Variants in NBEAL1 observed in about 807,000 individuals in gnomAD.
The protein encoded by NBEAL1 is neurobeachin like 1, also known as neurobeachin-like protein 1.
NBEAL1 carries 273 observed loss-of-function variants against 351.3 expected under a neutral mutation model. The observed-to-expected ratio is 0.78, with a 90% CI of 0.70 to 0.86. NBEAL1 has a LOEUF of 0.86. NBEAL1 is among the 40% of genes least tolerant of loss of function. The pLI is 0.00. For synonymous variants in NBEAL1, 1,050 were observed against 1,086.4 expected (o/e 0.97, Z 0.66); for missense variants, 2,961 against 3,201.3 (o/e 0.92, Z 1.81).
intron 10 of NBEAL1, among the ~76,000 whole-genome samples, chr2:203,092,815 G>A (rs2062092516): frequency 6.6e-6 from 1 of 152,130 alleles, no homozygotes; most frequent in South Asian, 2.1e-4. Flanking sequence ...ATTTCTGAAA[G>A]CATTTATGTC....
chr2:203,185,682 A>T (rs2064876727), intron 44 of NBEAL1, among the ~76,000 whole-genome samples: 1 of 152,200 alleles, frequency 6.6e-6, no homozygotes, highest in African/African-American at 2.4e-5. Context: ...TGAAAGCTGC[A>T]TCGAAACGGT....
At chr2:203,092,528 G>A (rs1350776558) in intron 10 of NBEAL1, among the ~76,000 whole-genome samples, 4 of 152,136 alleles carry the variant, frequency 2.6e-5, no homozygotes, top group Non-Finnish European at 5.9e-5. Flanking sequence ...TCGTGCCACT[G>A]CACTCCAGCC....
chr2:203,039,969 G>A (rs765001387), intron 2 of NBEAL1: 6 of 513,312 alleles, frequency 1.2e-5, no homozygotes, highest in Non-Finnish European at 2.1e-5. Flanking sequence ...ATGGTGGAGG[G>A]AACATGATAA....
In NBEAL1 at chr2:203,112,026, G is replaced by A; in HGVS notation, c.2130G>A (p.Gln710=). ...VHMPGKRPFG[Q]SFVYIYDNGQ... ...TGCCTGGAAAAAGGCCTTTTGGTCA[G>A]AGCTTCGTCTATATCTATGACAATG... The change falls in exon 16 of 56, where the codon CAG becomes CAA. Residue 710 remains glutamine (Q), a synonymous_variant. Coordinates refer to ENST00000683969, the MANE Select transcript of NBEAL1 (RefSeq NM_001378026.1). The A allele has an allele frequency of 6.4e-7, 1 of 1,552,148 alleles. No homozygotes were observed. The highest frequency in any genetic ancestry group is 8.7e-7 in the Non-Finnish European group (1 of 1,147,094).
chr2:203,164,251 A>G (rs1009979589), intron 36 of NBEAL1, among the ~76,000 whole-genome samples: 23 of 151,886 alleles, frequency 1.5e-4, no homozygotes, highest in Admixed American at 1.2e-3. Flanking sequence ...GACCCCATCT[A>G]AAAATATATA....
At chr2:203,138,001 A>T (rs957314990) in intron 29 of NBEAL1, among the ~76,000 whole-genome samples, 161 bp from the exon 30 acceptor site, 2 of 152,184 alleles carry the variant, frequency 1.3e-5, no homozygotes, top group African/African-American at 4.8e-5. Flanking sequence ...AAAAAAAAAA[A>T]AAAATTCAAT....
At chr2:203,197,844 G>C (rs1037220285) in intron 48 of NBEAL1, among the ~76,000 whole-genome samples, 2 of 152,054 alleles carry the variant, frequency 1.3e-5, no homozygotes, top group Non-Finnish European at 2.9e-5. Flanking sequence ...AGGAGGTGGA[G>C]GTTGCAGTGA....
chr2:203,206,007 CAAAT>C (rs1293036265), intron 51 of NBEAL1, among the ~76,000 whole-genome samples: 1 of 152,132 alleles, frequency 6.6e-6, no homozygotes, highest in African/African-American at 2.4e-5. Flanking sequence ...TCAAATAAAA[CAAAT>C]AACATACAAC....
chr2:203,066,184 G>C (rs988661941), intron 6 of NBEAL1, among the ~76,000 whole-genome samples: 1 of 152,176 alleles, frequency 6.6e-6, no homozygotes, highest in African/African-American at 2.4e-5. Context: ...TGTTAATCAG[G>C]TGAGGATGTT....
At chr2:203,069,754 C>T (rs1176521236) in intron 7 of NBEAL1, among the ~76,000 whole-genome samples, 10 of 152,124 alleles carry the variant, frequency 6.6e-5, no homozygotes, top group Admixed American at 3.3e-4. Context: ...AACTTGTGAG[C>T]TCAGGTGGTC....
At chr2:203,136,879 G>A (rs1415527322) in intron 29 of NBEAL1, 105 bp downstream of exon 29, 12 of 1,023,244 alleles carry the variant, frequency 1.2e-5, no homozygotes, top group Non-Finnish European at 1.7e-5. Context: ...GATATAACAA[G>A]GGAGAAAAAG....
intron 5 of NBEAL1, among the ~76,000 whole-genome samples, chr2:203,056,981 A>G (rs1355072652): frequency 6.6e-6 from 1 of 152,192 alleles, no homozygotes; most frequent in Non-Finnish European, 1.5e-5. Context: ...TCTTGTACAT[A>G]TTACCTAAAT....
intron 2 of NBEAL1, among the ~76,000 whole-genome samples, chr2:203,031,979 T>C (rs1002728219): frequency 6.6e-6 from 1 of 152,202 alleles, no homozygotes; most frequent in Admixed American, 6.5e-5. Context: ...TTTCCGAAAT[T>C]AGGCTATGAA....
Position 203,040,004 on chromosome 2 carries a change from T to G in NBEAL1, c.52-1761T>G, listed in dbSNP as rs1372327954. The G allele has an allele frequency of 5.3e-6, 3 of 566,818 alleles. No homozygotes were observed. The African/African-American group carries it at 5.7e-5, about 11-fold the overall frequency. 35.1% of individuals were successfully genotyped at this position (566,818 alleles called of 1,614,324 possible). A position where few individuals can be genotyped will look rare whatever the true frequency, so the allele number is the denominator to read the frequency against. ...AGGTAAGGTAAAGGGGTGGTGAGGT[T>G]TCTGGTTTTAAGAAGGAGTAAAAAT... On this transcript the variant is annotated intron_variant, in intron 2 of 55. Coordinates refer to ENST00000683969, the MANE Select transcript of NBEAL1 (RefSeq NM_001378026.1).
chr2:203,126,035 A>G lies in NBEAL1; in HGVS notation c.2927A>G (p.Asn976Ser), dbSNP rs1486577203. 13 of 1,544,464 alleles carry G rather than the reference A, an allele frequency of 8.4e-6. No individual in the cohort carries two copies. Among genetic ancestry groups the G allele is most frequent in the Middle Eastern group, 3.3e-4 (2 of 6,000 alleles). Residue 976 changes from asparagine to serine, a missense_variant, in exon 21 of 56, where the codon AAC (asparagine) becomes AGC (serine). Physicochemically the swap from Asn to Ser is conservative, Grantham distance 46. Transcript: ENST00000683969. ...VKHFIQRHPI[N>S]QGNLIHSHGV... is the part of the protein sequence containing the mutation. ...CATTTTATTCAGAGACATCCTATCA[A>G]CCAGGGCAATCTTATTCACTCCCAT...
chr2:203,137,208 C>G (rs2063236095), intron 29 of NBEAL1, among the ~76,000 whole-genome samples: 1 of 152,246 alleles, frequency 6.6e-6, no homozygotes, highest in Non-Finnish European at 1.5e-5. Flanking sequence ...GCCACACATG[C>G]AGCCCAGGAT....
In NBEAL1 at chr2:203,111,961, T is replaced by A; in HGVS notation, c.2083-18T>A. On this transcript the variant is annotated intron_variant, in intron 15 of 55. Coordinates refer to ENST00000683969, the MANE Select transcript of NBEAL1 (RefSeq NM_001378026.1). ...ATAATGTAATTTTATCCTTTAAATG[T>A]GTGTTTCACTTTACCAGCACAACAT... 1 of 1,541,694 alleles carries A rather than the reference T, an allele frequency of 6.5e-7. No homozygotes were observed. Among genetic ancestry groups the A allele is most frequent in the Non-Finnish European group, 8.7e-7 (1 of 1,145,076 alleles).
chr2:203,101,195 G>A (rs976833627), intron 12 of NBEAL1, among the ~76,000 whole-genome samples: 21 of 152,128 alleles, frequency 1.4e-4, no homozygotes, highest in African/African-American at 4.8e-4. Context: ...TAAGGAAGGG[G>A]TCCAGTTTCA....
intron 7 of NBEAL1, among the ~76,000 whole-genome samples, chr2:203,069,386 C>A (rs899320739): frequency 2.6e-5 from 4 of 152,052 alleles, no homozygotes; most frequent in Admixed American, 6.5e-5. Context: ...TGGAAACTGG[C>A]CTCACTTAGA....
Sources: gnomAD v4.1 joint callset for allele counts (sites outside exome capture counted in the v4.1 genomes callset) on GRCh38, gnomAD v4.1.1 for gene constraint, MANE v1.5 for transcripts, NCBI Gene and HGNC (gene_info 2026-07-23, HGNC 2026-07-21) for gene names.